The following METTL8 variants were observed in gnomAD, a reference collection of about 807,000 sequenced individuals.
METTL8 encodes methyltransferase 8, tRNA N3-cytidine, also known as tRNA N(3)-cytidine methyltransferase METTL8, mitochondrial.
In METTL8, 32 loss-of-function variants were observed where a neutral mutation model predicts 48.7. The ratio of observed to expected loss-of-function variants is 0.66; its 90% CI spans 0.50 to 0.88. The LOEUF is 0.88. METTL8 is among the 40% of genes least tolerant of loss of function. The pLI is 0.00. For missense variants in METTL8, 464 were observed against 474.4 expected, an observed-to-expected ratio of 0.98 and a Z score of 0.20; for synonymous variants, 136 against 157.1, an observed-to-expected ratio of 0.87 and a Z score of 1.01.
intron 1 of METTL8, among the ~76,000 whole-genome samples, chr2:171,400,836 C>G (rs1463652041): frequency 6.6e-6 from 1 of 152,128 alleles, no homozygotes; most frequent in African/African-American, 2.4e-5. Flanking sequence ...GCAAACAGTA[C>G]TGCTGTTTGT....
intron 2 of METTL8, among the ~76,000 whole-genome samples, chr2:171,371,789 G>A (rs907626416): frequency 5.9e-5 from 9 of 151,408 alleles, no homozygotes; most frequent in Admixed American, 1.3e-4. Context: ...ATATCACTGC[G>A]CCCAGCTAAT....
At position 171,339,511 on chromosome 2, in the gene METTL8, GTAAAATGTGTCCCAGTATT is replaced by G. The variant is rs766472030; in HGVS notation, c.260_278del (p.Lys87ThrfsTer16). On this transcript the variant is annotated frameshift_variant, in exon 4 of 10. Coordinates refer to ENST00000375258, the MANE Select transcript of METTL8 (RefSeq NM_001321154.2). LOFTEE classifies it high-confidence loss of function. ...TGAAAAACTTATTCTTATGAATCTT[GTAAAATGTGTCCCAGTATT>G]TACTAGCTTCTCTCTCATACTTAAC... 2.5e-6 allele frequency: 4 copies of G among 1,602,088 alleles called. No individual in the cohort carries two copies. Among genetic ancestry groups the G allele is most frequent in the Non-Finnish European group, 3.4e-6 (4 of 1,170,660 alleles).
chr2:171,407,149 G>C (rs148935475), intron 1 of METTL8, among the ~76,000 whole-genome samples: 1 of 152,276 alleles, frequency 6.6e-6, no homozygotes, highest in African/African-American at 2.4e-5. Context: ...AGAGAGGGAA[G>C]AGGAGGGTAG....
At chr2:171,434,315 A>C (rs564120655), upstream of METTL8, 8 of 639,200 alleles carry the variant, frequency 1.3e-5, no homozygotes, top group Admixed American at 1.7e-4. Flanking sequence ...GGAGCGTCGC[A>C]CTGTCAGCGG....
intron 2 of METTL8, among the ~76,000 whole-genome samples, chr2:171,363,111 A>C (rs1249115931): frequency 6.6e-6 from 1 of 152,140 alleles, no homozygotes; most frequent in African/African-American, 2.4e-5. Context: ...TATTTAATAG[A>C]TTTAGTTATT....
intron 2 of METTL8, among the ~76,000 whole-genome samples, chr2:171,379,434 C>T (rs1687291639): frequency 6.7e-6 from 1 of 148,386 alleles, no homozygotes; most frequent in Non-Finnish European, 1.5e-5. Flanking sequence ...GAGATAGAGA[C>T]ACAAAAAACC....
At chr2:171,413,908 C>A (rs1442773532) in intron 1 of METTL8, among the ~76,000 whole-genome samples, 4 of 151,820 alleles carry the variant, frequency 2.6e-5, no homozygotes. Context: ...CCTGAGGGGG[C>A]TTTGGTAATA....
At chr2:171,407,458 TG>T (rs1258429217) in intron 1 of METTL8, among the ~76,000 whole-genome samples, 1 of 151,956 alleles carries the variant, frequency 6.6e-6, no homozygotes, top group Non-Finnish European at 1.5e-5. Context: ...CAGTAAACAC[TG>T]TAACAATGAG....
At chr2:171,340,402 T>A (rs1686611308) in intron 3 of METTL8, among the ~76,000 whole-genome samples, 1 of 147,484 alleles carries the variant, frequency 6.8e-6, no homozygotes, top group Admixed American at 7.0e-5. Context: ...CTCAGGAGGC[T>A]GAGGCAGGAG....
intron 3 of METTL8, among the ~76,000 whole-genome samples, chr2:171,349,738 A>G (rs1249738842): frequency 6.6e-6 from 1 of 152,130 alleles, no homozygotes; most frequent in Non-Finnish European, 1.5e-5. Flanking sequence ...AGGAACTTCC[A>G]TACTGTTTTC....
At chr2:171,360,546 T>A in intron 2 of METTL8, 33 bp from the exon 3 acceptor site, 1 of 1,581,082 alleles carries the variant, frequency 6.3e-7, no homozygotes, top group East Asian at 2.2e-5. Flanking sequence ...AAAATATGCT[T>A]TATCATTGAA....
chr2:171,424,069 G>A (rs1692148811), intron 1 of METTL8, among the ~76,000 whole-genome samples: 1 of 152,232 alleles, frequency 6.6e-6, no homozygotes, highest in African/African-American at 2.4e-5. Context: ...ACAGGCCATG[G>A]CTTCAGAGGG....
chr2:171,321,068 T>C lies in METTL8; in HGVS notation c.*3104A>G, dbSNP rs1226540254. The C allele has an allele frequency of 2.6e-5, 4 of 152,278 alleles. No homozygotes were observed. Among genetic ancestry groups the C allele is most frequent in the African/African-American group, 7.2e-5 (3 of 41,460 alleles). The allele number at this position is 152,278 out of a possible 1,614,324, so 9.4% of individuals were successfully genotyped here. ...CTGCTGAGAATGTACATTCAAGAAC[T>C]AGCCTGAGACCTACCTCCCCCAAGA... On this transcript the variant is annotated 3_prime_UTR_variant, in exon 10 of 10. Coordinates refer to ENST00000375258, the MANE Select transcript of METTL8 (RefSeq NM_001321154.2).
At chr2:171,431,393 AC>A (rs1177515481) in intron 1 of METTL8, among the ~76,000 whole-genome samples, 3 of 152,098 alleles carry the variant, frequency 2.0e-5, no homozygotes, top group Non-Finnish European at 1.5e-5. Flanking sequence ...TGCTTTCAGG[AC>A]CCCTTTCTTT....
In METTL8 at chr2:171,317,722, T is replaced by A. The variant is rs1684330130; in HGVS notation, c.*6450A>T. 1 of 152,226 alleles carries A rather than the reference T, an allele frequency of 6.6e-6. No homozygotes were observed. The highest frequency in any genetic ancestry group is 2.4e-5 in the African/African-American group (1 of 41,454). The allele number at this position is 152,226 out of a possible 1,614,324, so 9.4% of individuals were successfully genotyped here. A position where few individuals can be genotyped will look rare whatever the true frequency, so the allele number is the denominator to read the frequency against. ...ATCAGAAGCTGTTGTTTTAAACTCT[T>A]GGCCAAGTAGCAGTGCCTTGTAGCT... On this transcript the variant is annotated 3_prime_UTR_variant, in exon 10 of 10. Transcript: ENST00000375258.
intron 1 of METTL8, among the ~76,000 whole-genome samples, chr2:171,400,101 C>T (rs1156777125): frequency 3.3e-5 from 5 of 151,660 alleles, no homozygotes; most frequent in African/African-American, 1.2e-4. Flanking sequence ...CACTTATATA[C>T]AGTATATTAT....
chr2:171,389,220 A>G (rs1307190178), intron 2 of METTL8, among the ~76,000 whole-genome samples: 1 of 152,156 alleles, frequency 6.6e-6, no homozygotes, highest in Non-Finnish European at 1.5e-5. Flanking sequence ...CTTAAAGGAA[A>G]TTAAAGATGC....
At chr2:171,434,419 G>T, upstream of METTL8, 1 of 1,293,330 alleles carries the variant, frequency 7.7e-7, no homozygotes, top group Non-Finnish European at 1.1e-6. Context: ...TCGCCCCGCC[G>T]TCGGGTGCTC....
chr2:171,427,311 C>T (rs151155131), intron 1 of METTL8, among the ~76,000 whole-genome samples: 626 of 152,306 alleles, frequency 4.1e-3, no homozygotes, highest in African/African-American at 0.013. Flanking sequence ...TGTCTCCTTA[C>T]AATTATTCTT....
Sources: allele counts gnomAD v4.1 joint callset (sites outside exome capture counted in the v4.1 genomes callset), GRCh38; gene constraint gnomAD v4.1.1; transcripts MANE v1.5; gene names NCBI Gene and HGNC (gene_info 2026-07-23, HGNC 2026-07-21).